Variants in TASP1 observed in about 807,000 individuals in gnomAD.
TASP1 encodes threonine aspartase 1.
A neutral mutation model predicts 56.6 loss-of-function variants in TASP1; 16 were observed. That is an observed-to-expected ratio of 0.28 (90% CI 0.19 to 0.43). The LOEUF (loss-of-function observed/expected upper bound fraction) is 0.43. TASP1 is among the 20% of genes least tolerant of loss of function. The pLI is 1.00. For missense variants in TASP1, 393 were observed against 511.6 expected (o/e 0.77, Z 2.24); for synonymous variants, 179 against 184.2 (o/e 0.97, Z 0.23).
chr20:13,111,551 C>T, the TASP1 span, among the ~76,000 whole-genome samples: 2 of 152,206 alleles, frequency 1.3e-5, no homozygotes, highest in African/African-American at 4.8e-5. Flanking sequence ...TAACTGACAA[C>T]TCGTAGGCCT....
intron 4 of TASP1, among the ~76,000 whole-genome samples, chr20:13,592,594 T>C (rs1340495344): frequency 6.6e-6 from 1 of 152,170 alleles, no homozygotes; most frequent in Non-Finnish European, 1.5e-5. Context: ...TGTCTGACTC[T>C]TCTTTTACAT....
chr20:13,451,695 C>A (rs1442137556), intron 11 of TASP1, among the ~76,000 whole-genome samples: 1 of 152,052 alleles, frequency 6.6e-6, no homozygotes, highest in African/African-American at 2.4e-5. Flanking sequence ...GTTCTATCCC[C>A]ATACCAAGCT....
At chr20:13,397,536 C>G (rs1282905475) in intron 13 of TASP1, among the ~76,000 whole-genome samples, 1 of 152,146 alleles carries the variant, frequency 6.6e-6, no homozygotes, top group Non-Finnish European at 1.5e-5. Context: ...TATCTTGACT[C>G]CCCCTGAAGA....
chr20:13,629,500 C>A (rs2147582592), intron 2 of TASP1, among the ~76,000 whole-genome samples: 1 of 151,384 alleles, frequency 6.6e-6, no homozygotes, highest in Admixed American at 6.6e-5. Context: ...GAGATGGTGT[C>A]TCGGTTTGTT....
chr20:13,235,365 AGTT>A, the TASP1 span, among the ~76,000 whole-genome samples: 14 of 152,164 alleles, frequency 9.2e-5, no homozygotes, highest in Non-Finnish European at 1.8e-4. Context: ...TGGGCTTTGG[AGTT>A]GTTTTGATTC....
the TASP1 span, among the ~76,000 whole-genome samples, chr20:13,373,193 G>A: frequency 6.6e-6 from 1 of 151,854 alleles, no homozygotes; most frequent in East Asian, 1.9e-4. Context: ...TCTCCTTTAA[G>A]TGGTTGTTGT....
At chr20:13,186,469 G>A in the TASP1 span, among the ~76,000 whole-genome samples, 19 of 152,132 alleles carry the variant, frequency 1.2e-4, no homozygotes, top group Non-Finnish European at 2.4e-4. Context: ...AACCAGGGAA[G>A]AATGTAGGTG....
the TASP1 span, among the ~76,000 whole-genome samples, chr20:13,301,494 C>T: frequency 3.3e-5 from 5 of 152,154 alleles, no homozygotes; most frequent in African/African-American, 1.2e-4. Context: ...CAGACATTTA[C>T]ACCTTACAAT....
chr20:13,391,706 G>A (rs1163035680), intron 13 of TASP1, among the ~76,000 whole-genome samples: 2 of 152,078 alleles, frequency 1.3e-5, no homozygotes, highest in Non-Finnish European at 1.5e-5. Flanking sequence ...GGTGGCTCAC[G>A]CTTGTAATCC....
intron 13 of TASP1, among the ~76,000 whole-genome samples, chr20:13,407,802 T>C (rs1299062867): frequency 1.3e-5 from 2 of 152,220 alleles, no homozygotes; most frequent in Non-Finnish European, 2.9e-5. Flanking sequence ...CTACTTGTGG[T>C]TGTCATCTGC....
chr20:13,173,446 G>T, the TASP1 span, among the ~76,000 whole-genome samples: 2 of 152,140 alleles, frequency 1.3e-5, no homozygotes, highest in Non-Finnish European at 2.9e-5. Context: ...AAGTATGGAT[G>T]CACTCACCTA....
the TASP1 span, among the ~76,000 whole-genome samples, chr20:13,145,489 G>A: frequency 6.6e-6 from 1 of 152,114 alleles, no homozygotes; most frequent in Non-Finnish European, 1.5e-5. Flanking sequence ...AACCAGAGAA[G>A]ACACAAACAA....
the TASP1 span, among the ~76,000 whole-genome samples, chr20:13,173,104 C>T: frequency 6.6e-6 from 1 of 152,144 alleles, no homozygotes; most frequent in South Asian, 2.1e-4. Flanking sequence ...TGGAAGAGGG[C>T]TCCCTTTACC....
At chr20:13,628,044 T>TAA (rs953077771) in intron 2 of TASP1, among the ~76,000 whole-genome samples, 5 of 152,328 alleles carry the variant, frequency 3.3e-5, no homozygotes, top group East Asian at 1.9e-4. Flanking sequence ...AATGAAAACT[T>TAA]AACTTCTCCA....
chr20:13,493,469 G>A (rs2043612854), intron 10 of TASP1, among the ~76,000 whole-genome samples: 1 of 152,094 alleles, frequency 6.6e-6, no homozygotes, highest in Non-Finnish European at 1.5e-5. Context: ...TTCCTATACT[G>A]GATGCTTCCT....
At chr20:13,567,176 A>AAAAATACCAC (rs2046559945) in intron 7 of TASP1, among the ~76,000 whole-genome samples, 2 of 152,152 alleles carry the variant, frequency 1.3e-5, no homozygotes, top group Admixed American at 1.3e-4. Context: ...CACAGGAACA[A>AAAAATACCAC]AAAATACCGC....
chr20:13,201,094 G>C, the TASP1 span, among the ~76,000 whole-genome samples: 1 of 152,212 alleles, frequency 6.6e-6, no homozygotes, highest in African/African-American at 2.4e-5. Flanking sequence ...GGGACAAAGG[G>C]AAGGAGGGAT....
chr20:13,454,436 C>T (rs2043751003), intron 11 of TASP1, among the ~76,000 whole-genome samples: 1 of 152,066 alleles, frequency 6.6e-6, no homozygotes. Flanking sequence ...CCTAGCATGG[C>T]TGAATGAGCA....
chr20:13,193,079 C>A, the TASP1 span, among the ~76,000 whole-genome samples: 2 of 151,936 alleles, frequency 1.3e-5, no homozygotes, highest in Non-Finnish European at 2.9e-5. Flanking sequence ...TCTAGGGAAA[C>A]CACTAATAAA....
Sources: allele counts gnomAD v4.1 joint callset (sites outside exome capture counted in the v4.1 genomes callset), GRCh38; gene constraint gnomAD v4.1.1; transcripts MANE v1.5; gene names NCBI Gene and HGNC (gene_info 2026-07-23, HGNC 2026-07-21).